The following LRRC49 variants were observed in gnomAD, a reference collection of about 807,000 sequenced individuals.
LRRC49 encodes leucine rich repeat containing 49, also known as leucine-rich repeat-containing protein 49.
A neutral mutation model predicts 83.3 loss-of-function variants in LRRC49; 50 were observed. The ratio of observed to expected loss-of-function variants is 0.60; its 90% CI spans 0.48 to 0.76. The LOEUF is 0.76. Among genes scored for constraint, LRRC49 ranks in the 30% least tolerant of loss-of-function variants. The pLI is 0.00. For missense variants in LRRC49, 704 were observed against 809.1 expected, an observed-to-expected ratio of 0.87 and a Z score of 1.58; for synonymous variants, 286 against 283.3, an observed-to-expected ratio of 1.01 and a Z score of -0.10.
chr15:70,857,093 T>A (rs1249400565), intron 1 of LRRC49, among the ~76,000 whole-genome samples: 1 of 152,108 alleles, frequency 6.6e-6, no homozygotes, highest in Non-Finnish European at 1.5e-5. Flanking sequence ...GACAGCTCAT[T>A]TTCATAGTAA....
intron 2 of LRRC49, among the ~76,000 whole-genome samples, chr15:70,885,686 C>T (rs1019038536): frequency 5.9e-5 from 9 of 152,110 alleles, no homozygotes; most frequent in Non-Finnish European, 1.0e-4. Flanking sequence ...AATAACATTG[C>T]TAATAACCTA....
intron 1 of LRRC49, among the ~76,000 whole-genome samples, chr15:70,864,873 C>T (rs558359561): frequency 5.3e-4 from 81 of 152,090 alleles, no homozygotes; most frequent in African/African-American, 1.6e-3. Flanking sequence ...TCTGTGTATC[C>T]GGGAATCTAG....
chr15:70,969,054 G>A (rs985009025), intron 9 of LRRC49, among the ~76,000 whole-genome samples: 2 of 152,178 alleles, frequency 1.3e-5, no homozygotes, highest in Admixed American at 6.5e-5. Context: ...TGAAGTCTTC[G>A]CCCATGCCTA....
chr15:71,051,232 A>G lies in LRRC49; in HGVS notation c.*1620A>G, dbSNP rs193141406. 2.2e-4 allele frequency: 33 copies of G among 152,350 alleles called. No homozygotes were observed. Among genetic ancestry groups the G allele is most frequent in the Admixed American group, 1.9e-3 (29 of 15,300 alleles). 9.4% of individuals were successfully genotyped at this position (152,350 alleles called of 1,614,324 possible). A position where few individuals can be genotyped will look rare whatever the true frequency, so the allele number is the denominator to read the frequency against. On this transcript the variant is annotated 3_prime_UTR_variant, in exon 16 of 16. Transcript: ENST00000260382. ...ATAGCACACACTTCGTAAGATAGTC[A>G]TGAGAATCAAAAGAAACAATGCATG... is the stretch of plus-strand genomic sequence containing the variant.
intron 2 of LRRC49, 99 bp from the exon 3 acceptor site, chr15:70,895,750 T>A (rs2033805753): frequency 1.5e-6 from 1 of 656,366 alleles, no homozygotes; most frequent in Admixed American, 2.8e-5. Flanking sequence ...ATCCACATTG[T>A]ACCATGTGTA....
In LRRC49 at chr15:70,986,770, A is replaced by T. The variant is rs954198876; in HGVS notation, c.1169+2513A>T. On this transcript the variant is annotated intron_variant, in intron 11 of 15. Coordinates refer to ENST00000260382, the MANE Select transcript of LRRC49 (RefSeq NM_017691.5). ...CATTCAGTCTGATATTGGCTGTGGG[A>T]TTGTCATAGATAGCTCTTATTATTT... 8.6e-5 allele frequency among the ~76,000 whole-genome samples: 13 copies of T among 151,936 alleles called. No homozygotes were observed. In the East Asian group the frequency reaches 1.2e-3, roughly 14 times the overall value.
At chr15:70,939,191 A>C (rs2035712331) in intron 8 of LRRC49, among the ~76,000 whole-genome samples, 1 of 152,108 alleles carries the variant, frequency 6.6e-6, no homozygotes, top group Non-Finnish European at 1.5e-5. Context: ...CTTTCATTTT[A>C]TATTGTCCCT....
intron 6 of LRRC49, among the ~76,000 whole-genome samples, chr15:70,917,120 T>G (rs75177628): frequency 0.011 from 1,640 of 152,272 alleles, 31 homozygotes; most frequent in African/African-American, 0.037. Flanking sequence ...CCCTCTGAAC[T>G]TTTGGTGCCA....
At chr15:70,929,444 A>T (rs1234536930) in intron 7 of LRRC49, among the ~76,000 whole-genome samples, 1 of 152,178 alleles carries the variant, frequency 6.6e-6, no homozygotes, top group Non-Finnish European at 1.5e-5. Context: ...TGATCATCTG[A>T]TCTTTCAGCA....
chr15:70,892,365 C>G (rs1337806000), upstream of LRRC49: 3 of 1,547,614 alleles, frequency 1.9e-6, no homozygotes, highest in African/African-American at 4.1e-5. Flanking sequence ...AAGTCCTCCC[C>G]TCCTCACCTG....
chr15:70,968,752 T>C (rs562426236), intron 9 of LRRC49, among the ~76,000 whole-genome samples: 14 of 152,274 alleles, frequency 9.2e-5, no homozygotes, highest in African/African-American at 3.1e-4. Context: ...GAGCTTTTTT[T>C]CATGTTTGAT....
At chr15:70,984,037 C>A in intron 10 of LRRC49, 57 bp from the exon 11 acceptor site, 1 of 1,389,926 alleles carries the variant, frequency 7.2e-7, no homozygotes, top group South Asian at 1.2e-5. Context: ...CCTTAGATGT[C>A]ACTTCTGCTA....
chr15:70,893,514 C>CTTT, intron 1 of LRRC49, 70 bp from the exon 2 acceptor site: 1 of 800,902 alleles, frequency 1.2e-6, no homozygotes, highest in Non-Finnish European at 2.0e-6. Context: ...CTGTTTGTAC[C>CTTT]TTTTTTTTTT....
intron 14 of LRRC49, among the ~76,000 whole-genome samples, chr15:71,021,062 A>G (rs768525602): frequency 2.0e-5 from 3 of 152,242 alleles, no homozygotes; most frequent in Non-Finnish European, 4.4e-5. Flanking sequence ...AATCACAAAA[A>G]AAAAATCTCA....
intron 7 of LRRC49, among the ~76,000 whole-genome samples, chr15:70,928,820 C>T (rs778531060): frequency 6.6e-6 from 1 of 152,184 alleles, no homozygotes; most frequent in Non-Finnish European, 1.5e-5. Context: ...CCGCCTTGGC[C>T]TCCCAAAGTA....
Position 70,894,670 on chromosome 15 carries a change from G to T in LRRC49, c.105+1030G>T, listed in dbSNP as rs1050715553. On this transcript the variant is annotated intron_variant, in intron 2 of 15. Coordinates refer to ENST00000260382, the MANE Select transcript of LRRC49 (RefSeq NM_017691.5). The stretch of plus-strand genomic sequence containing the variant: ...GAAACCTCTAACCATCACAATTCAG[G>T]TGTGTCCTAAAAAGTTATTAAATAG... 9.5e-6 allele frequency: 12 copies of T among 1,262,306 alleles called. No homozygotes were observed. In the African/African-American group the frequency reaches 1.9e-4, roughly 19 times the overall value. 78.2% of individuals were successfully genotyped at this position (1,262,306 alleles called of 1,614,324 possible).
In LRRC49 at chr15:71,037,217, A is replaced by G. The variant is rs769030895; in HGVS notation, c.1742A>G (p.Lys581Arg). The G allele has an allele frequency of 5.0e-6, 8 of 1,610,574 alleles. No individual in the cohort carries two copies. In the East Asian group the frequency reaches 1.8e-4, roughly 36 times the overall value. ...CGGTATCTACTAGAATCCAAAGGAAAAAAACCTGGTATTATCAACGAAGAA... is the reference window on the plus strand; with the variant it reads ...CGGTATCTACTAGAATCCAAAGGAAGAAAACCTGGTATTATCAACGAAGAA... ...QFRYLLESKG[K>R]KPGIINEENN... The change falls in exon 15 of 16, where the codon AAA becomes AGA. Residue 581 changes from lysine (K) to arginine (R), a missense_variant. Physicochemically the swap from Lys to Arg is conservative, Grantham distance 26. Around this residue, in one of 3 missense-constraint regions of LRRC49, gnomAD observed 275 missense variants for 338.0 expected, o/e 0.81. Transcript: ENST00000260382.
intron 13 of LRRC49, 50 bp downstream of exon 13, chr15:71,010,042 G>T: frequency 8.8e-7 from 1 of 1,132,662 alleles, no homozygotes; most frequent in Non-Finnish European, 1.2e-6. Context: ...CCTTCTTAGT[G>T]AAAATAGTTA....
intron 13 of LRRC49, 43 bp from the exon 14 acceptor site, chr15:71,012,761 A>T (rs752833034): frequency 3.8e-6 from 4 of 1,040,342 alleles, no homozygotes; most frequent in Non-Finnish European, 6.0e-6. Context: ...TTCAGCTAAG[A>T]GTTGGTGTCA....
Sources: allele counts gnomAD v4.1 joint callset (sites outside exome capture counted in the v4.1 genomes callset), GRCh38; gene constraint gnomAD v4.1.1; regional missense constraint gnomAD v4.1.1; transcripts MANE v1.5; gene names NCBI Gene and HGNC (gene_info 2026-07-23, HGNC 2026-07-21).